The following RAB13 variants were observed in gnomAD, a reference collection of about 807,000 sequenced individuals.
RAB13 encodes the protein RAB13, member RAS oncogene family.
A neutral mutation model predicts 29.3 loss-of-function variants in RAB13; 15 were observed. The ratio of observed to expected loss-of-function variants is 0.51; its 90% CI spans 0.34 to 0.79. The LOEUF is 0.79. Among genes scored for constraint, RAB13 ranks in the 30% least tolerant of loss-of-function variants. The pLI, the probability that RAB13 is intolerant of heterozygous loss-of-function variation, is 0.01. For synonymous variants in RAB13, 82 were observed against 93.8 expected (o/e 0.87, Z 0.73); for missense variants, 186 against 255.5 (o/e 0.73, Z 1.85).
chr1:153,982,898 G>T, intron 4 of RAB13, 90 bp from the exon 5 acceptor site: 1 of 1,271,764 alleles, frequency 7.9e-7, no homozygotes, highest in South Asian at 1.2e-5. Flanking sequence ...AGGCCAAGGC[G>T]GGTGGATCAC....
chr1:153,982,815 GC>G lies in RAB13; in HGVS notation c.325-8del. ...CCACCCCAGCCGAGGCATTCTGGGG[GC>G]AAAAGACAAGTAAAAGTTAGGTCCT... On this transcript the variant is annotated splice_polypyrimidine_tract_variant and splice_region_variant and intron_variant, in intron 4 of 7. Coordinates refer to ENST00000368575, the MANE Select transcript of RAB13 (RefSeq NM_002870.5). 6.2e-7 allele frequency: 1 copy of G among 1,613,964 alleles called. No individual in the cohort carries two copies. The highest frequency in any genetic ancestry group is 8.5e-7 in the Non-Finnish European group (1 of 1,179,914).
intron 7 of RAB13, 103 bp downstream of exon 7, chr1:153,982,288 T>G (rs370358416): frequency 2.7e-6 from 4 of 1,501,290 alleles, no homozygotes; most frequent in South Asian, 2.3e-5. Context: ...TTGCTCCCCG[T>G]TTTTATCAAC....
chr1:153,988,151 C>T (rs1205216462), upstream of RAB13, among the ~76,000 whole-genome samples: 2 of 151,534 alleles, frequency 1.3e-5, no homozygotes, highest in African/African-American at 4.9e-5. Flanking sequence ...CCCGACACCA[C>T]GCCCAGCTAA....
At chr1:153,989,994 A>G (rs140926021), upstream of RAB13, among the ~76,000 whole-genome samples, 1,443 of 152,022 alleles carry the variant, frequency 9.5e-3, 16 homozygotes, top group Non-Finnish European at 0.013. Flanking sequence ...AAACTATTCA[A>G]TCTCTTTTTG....
At position 153,985,924 on chromosome 1, in the gene RAB13, T is replaced by C. The variant is rs569808214; in HGVS notation, c.124+189A>G. ...GCAGTTGAAGAGTTACCTGAAGGCC[T>C]CAGAGAGGTGAGAGGTTTGGTTACT... On this transcript the variant is annotated intron_variant, in intron 1 of 7. Coordinates refer to ENST00000368575, the MANE Select transcript of RAB13 (RefSeq NM_002870.5). The C allele has an allele frequency of 1.7e-5, 17 of 990,554 alleles. No individual in the cohort carries two copies. The African/African-American group carries it at 2.5e-4, about 14-fold the overall frequency. The allele number at this position is 990,554 out of a possible 1,614,324, so 61.4% of individuals were successfully genotyped here.
At chr1:153,985,720 C>T (rs1037440195) in intron 1 of RAB13, among the ~76,000 whole-genome samples, 4 of 136,908 alleles carry the variant, frequency 2.9e-5, no homozygotes, top group Non-Finnish European at 6.5e-5. Flanking sequence ...CAGAAAGAGG[C>T]TAGCATCGGA....
chr1:153,985,909 A>G, intron 1 of RAB13: 1 of 749,576 alleles, frequency 1.3e-6, no homozygotes, highest in Non-Finnish European at 2.0e-6. Context: ...GCAGTTGAAG[A>G]GTTACCTGAA....
upstream of RAB13, among the ~76,000 whole-genome samples, chr1:153,989,607 T>A (rs878894375): frequency 6.6e-6 from 1 of 151,630 alleles, no homozygotes; most frequent in Non-Finnish European, 1.5e-5. Flanking sequence ...TATAAAAAAT[T>A]AAAGGCCGGA....
chr1:153,987,053 T>A (rs1021632195), upstream of RAB13, among the ~76,000 whole-genome samples: 1 of 152,154 alleles, frequency 6.6e-6, no homozygotes, highest in Non-Finnish European at 1.5e-5. Context: ...TCTGACCAAA[T>A]AGCTTAGGAA....
At chr1:153,986,424 T>C (rs1253212318), upstream of RAB13, 6 of 593,246 alleles carry the variant, frequency 1.0e-5, no homozygotes, top group Non-Finnish European at 1.8e-5. Flanking sequence ...GCCCACCCTT[T>C]TGAGCAGGCC....
chr1:153,988,037 T>C (rs1649234724), upstream of RAB13, among the ~76,000 whole-genome samples: 1 of 151,744 alleles, frequency 6.6e-6, no homozygotes. Flanking sequence ...CAGGCTGGAG[T>C]GCAGTGGCGC....
chr1:153,986,315 G>C lies in RAB13; in HGVS notation c.-79C>G. ...CGGGACTGGACGGTTGGCAAACAGA[G>C]CGGCACGGAGCCCAGGCCAGGAAGA... On this transcript the variant is annotated 5_prime_UTR_variant, in exon 1 of 8. Coordinates refer to ENST00000368575, the MANE Select transcript of RAB13 (RefSeq NM_002870.5). 2 of 1,199,046 alleles carry C rather than the reference G, an allele frequency of 1.7e-6. No individual in the cohort carries two copies. Among genetic ancestry groups the C allele is most frequent in the Non-Finnish European group, 2.4e-6 (2 of 826,556 alleles). 74.3% of individuals were successfully genotyped at this position (1,199,046 alleles called of 1,614,324 possible). A position where few individuals can be genotyped will look rare whatever the true frequency, so the allele number is the denominator to read the frequency against.
rs964577630 is a variant in RAB13, at chr1:153,981,820, A to T, written c.*279T>A. 26 of 521,752 alleles carry T rather than the reference A, an allele frequency of 5.0e-5. No individual in the cohort carries two copies. The highest frequency in any genetic ancestry group is 7.9e-5 in the Non-Finnish European group (23 of 289,714). The allele number at this position is 521,752 out of a possible 1,614,324, so 32.3% of individuals were successfully genotyped here. A position where few individuals can be genotyped will look rare whatever the true frequency, so the allele number is the denominator to read the frequency against. ...TTATGTTTGCCCTGAAAACCCAGGT[A>T]AGGTCTGAAGCCTGAGGCATCTCTC... On this transcript the variant is annotated 3_prime_UTR_variant, in exon 8 of 8. Transcript: ENST00000368575.
chr1:153,989,579 G>A (rs1015552324), upstream of RAB13, among the ~76,000 whole-genome samples: 2 of 151,654 alleles, frequency 1.3e-5, no homozygotes, highest in Admixed American at 6.6e-5. Context: ...AGTCTCTCTC[G>A]AGCCTATTCT....
In RAB13 at chr1:153,985,046, G is replaced by C. The variant is rs980665803; in HGVS notation, c.125-265C>G. On this transcript the variant is annotated intron_variant, in intron 1 of 7. Coordinates refer to ENST00000368575, the MANE Select transcript of RAB13 (RefSeq NM_002870.5). ...TCTGCATGGAGGCTTAAAATCCTTA[G>C]GCTGCCTCTTGGGTCCATTCAGTTA... 2.3e-4 allele frequency: 272 copies of C among 1,197,246 alleles called. 1 individual carries two copies. The highest frequency in any genetic ancestry group is 2.6e-4 in the Non-Finnish European group (247 of 964,320). The allele number at this position is 1,197,246 out of a possible 1,614,324, so 74.2% of individuals were successfully genotyped here.
chr1:153,988,166 T>C (rs1298312358), upstream of RAB13, among the ~76,000 whole-genome samples: 2 of 151,516 alleles, frequency 1.3e-5, no homozygotes, highest in African/African-American at 4.9e-5. Flanking sequence ...AGCTAATTTT[T>C]GTATTTTTAG....
At position 153,982,233 on chromosome 1, in the gene RAB13, T is replaced by A. The variant is rs920847085; in HGVS notation, c.535-57A>T. 71 of 1,560,614 alleles carry A rather than the reference T, an allele frequency of 4.5e-5. 2 individuals carry two copies. The South Asian group carries it at 7.9e-4, about 17-fold the overall frequency. ...TGAATGGATGGTTAGGGTAGGAGGG[T>A]ATAAACTGTTTAAAGTAAATCCACC... On this transcript the variant is annotated intron_variant, in intron 7 of 7. Transcript: ENST00000368575.
At chr1:153,983,136 A>T in intron 4 of RAB13, 83 bp downstream of exon 4, 1 of 1,261,504 alleles carries the variant, frequency 7.9e-7, no homozygotes, top group Non-Finnish European at 1.1e-6. Flanking sequence ...AAAAAAAAAA[A>T]AGTTAGGTCT....
rs775229993 is a variant in RAB13, at chr1:153,982,179, A to G, written c.535-3T>C. ...CTGGGAGGCTTGTTGCCGTTTCCCT[A>G]GAGGGAGAAGGGCACAGGTGTCATG... On this transcript the variant is annotated splice_polypyrimidine_tract_variant and splice_region_variant and intron_variant, in intron 7 of 7. Coordinates refer to ENST00000368575, the MANE Select transcript of RAB13 (RefSeq NM_002870.5). 16 of 1,613,094 alleles carry G rather than the reference A, an allele frequency of 9.9e-6. No homozygotes were observed. The highest frequency in any genetic ancestry group is 3.3e-5 in the Admixed American group (2 of 59,964).
Sources: allele counts gnomAD v4.1 joint callset (sites outside exome capture counted in the v4.1 genomes callset), GRCh38; gene constraint gnomAD v4.1.1; transcripts MANE v1.5; gene names NCBI Gene and HGNC (gene_info 2026-07-23, HGNC 2026-07-21).